The following TDRD12 variants were observed in gnomAD, a reference collection of about 807,000 sequenced individuals.
The protein encoded by TDRD12 is tudor domain containing 12.
In TDRD12, 158 loss-of-function variants were observed where a neutral mutation model predicts 133.5. The observed-to-expected ratio is 1.18, with a 90% CI of 1.04 to 1.35. The LOEUF (loss-of-function observed/expected upper bound fraction) is 1.35. TDRD12 is among the 40% of genes most tolerant of loss of function. TDRD12 has a pLI of 0.00. For missense variants in TDRD12, 1,443 were observed against 1,321.3 expected (o/e 1.09, Z -1.43); for synonymous variants, 460 against 477.9 (o/e 0.96, Z 0.49).
intron 2 of TDRD12, 47 bp downstream of exon 2, chr19:32,731,930 C>T: frequency 6.9e-7 from 1 of 1,459,174 alleles, no homozygotes; most frequent in Admixed American, 2.7e-5. Context: ...AAACACCACT[C>T]AAAATATAAA....
intron 11 of TDRD12, among the ~76,000 whole-genome samples, chr19:32,777,844 TATATATATATATA>T (rs1296912325): frequency 6.9e-4 from 11 of 15,880 alleles, no homozygotes; most frequent in South Asian, 7.5e-3. Flanking sequence ...TATATATATA[TATATATATATATA>T]TTTTTTTTTT....
chr19:32,777,006 G>C, intron 10 of TDRD12, 143 bp from the exon 11 acceptor site: 1 of 565,442 alleles, frequency 1.8e-6, no homozygotes, highest in Admixed American at 3.5e-5. Flanking sequence ...CTCCCACCTT[G>C]GCCTCCCGAG....
downstream of TDRD12, among the ~76,000 whole-genome samples, chr19:32,823,510 G>A (rs1395026558): frequency 6.6e-6 from 1 of 152,166 alleles, no homozygotes; most frequent in African/African-American, 2.4e-5. Context: ...GCTCTTGCTG[G>A]CCGTGACTGT....
intron 18 of TDRD12, 91 bp from the exon 19 acceptor site, chr19:32,801,665 A>G: frequency 2.4e-6 from 1 of 421,486 alleles, no homozygotes; most frequent in East Asian, 3.5e-5. Context: ...CAGATAAATT[A>G]AAGTGCTTTA....
At chr19:32,824,054 C>T (rs1967500588), downstream of TDRD12, 1 of 152,494 alleles carries the variant, frequency 6.6e-6, no homozygotes, top group Non-Finnish European at 1.5e-5. Flanking sequence ...ACTTGGCCAC[C>T]TTCCTGGAAG....
At chr19:32,760,637 C>G (rs1417741202) in intron 8 of TDRD12, among the ~76,000 whole-genome samples, 1 of 152,146 alleles carries the variant, frequency 6.6e-6, no homozygotes, top group African/African-American at 2.4e-5. Flanking sequence ...GTATATTTTA[C>G]TATTACTAGG....
At chr19:32,742,706 A>C (rs1351846016) in intron 3 of TDRD12, 75 bp from the exon 4 acceptor site, 3 of 1,395,116 alleles carry the variant, frequency 2.2e-6, no homozygotes, top group Non-Finnish European at 2.9e-6. Context: ...TGTATTAATA[A>C]AATAGGTATA....
chr19:32,807,267 TAA>T (rs59421213), intron 21 of TDRD12, among the ~76,000 whole-genome samples: 7 of 47,206 alleles, frequency 1.5e-4, no homozygotes, highest in South Asian at 1.2e-3. Context: ...ACCAAACTCT[TAA>T]AAAAAAAAAA....
downstream of TDRD12, chr19:32,826,019 A>G: frequency 9.3e-7 from 1 of 1,072,348 alleles, no homozygotes; most frequent in Admixed American, 2.3e-5. Context: ...AAGGTACAAA[A>G]AAGTATATAT....
At chr19:32,818,008 G>A in intron 26 of TDRD12, 81 bp from the exon 27 acceptor site, 2 of 698,480 alleles carry the variant, frequency 2.9e-6, no homozygotes, top group Non-Finnish European at 5.2e-6. Context: ...TGCACTCCAA[G>A]CTCTGTCCTC....
Position 32,798,091 on chromosome 19 carries a change from C to T in TDRD12, c.1630+200C>T, listed in dbSNP as rs569168493. ...AAGGCTTGATCTTGACTTACGTCTG[C>T]TTCACTGAGAAAACTATGTCACTTC... On this transcript the variant is annotated intron_variant, in intron 15 of 27. Transcript: ENST00000444215. Among the ~76,000 whole-genome samples, 3 of 152,330 alleles carry T rather than the reference C, an allele frequency of 2.0e-5. No individual in the cohort carries two copies. In the East Asian group the frequency reaches 5.8e-4, roughly 29 times the overall value.
intron 8 of TDRD12, among the ~76,000 whole-genome samples, chr19:32,769,089 A>G (rs768411618): frequency 6.6e-6 from 1 of 151,954 alleles, no homozygotes; most frequent in Non-Finnish European, 1.5e-5. Context: ...TTATAGATAG[A>G]TTTCCTTCTA....
chr19:32,815,766 T>C (rs1318936955), intron 26 of TDRD12, 146 bp downstream of exon 26: 8 of 736,316 alleles, frequency 1.1e-5, no homozygotes, highest in Middle Eastern at 2.7e-4. Flanking sequence ...GAGGCCAAGG[T>C]GGGCGGCTCA....
chr19:32,757,780 C>G (rs74336512), intron 8 of TDRD12, among the ~76,000 whole-genome samples: 177 of 152,278 alleles, frequency 1.2e-3, no homozygotes, highest in East Asian at 8.9e-3. Flanking sequence ...CTGTGGTTTC[C>G]AAGAACCTAC....
chr19:32,745,071 G>GC (rs944441111), intron 4 of TDRD12, among the ~76,000 whole-genome samples: 215 of 152,010 alleles, frequency 1.4e-3, no homozygotes, highest in African/African-American at 4.4e-3. Flanking sequence ...CCTCCAGCCA[G>GC]CCCCCCCCAC....
chr19:32,723,530 T>G (rs1968758791), intron 1 of TDRD12, among the ~76,000 whole-genome samples: 1 of 152,138 alleles, frequency 6.6e-6, no homozygotes, highest in African/African-American at 2.4e-5. Context: ...ATTACAAGCA[T>G]GAGCCACCGT....
intron 6 of TDRD12, among the ~76,000 whole-genome samples, chr19:32,751,485 G>A (rs1969825891): frequency 6.6e-6 from 1 of 152,072 alleles, no homozygotes; most frequent in Admixed American, 6.6e-5. Flanking sequence ...ATTCTTGGCT[G>A]TGAAAGATAT....
At chr19:32,789,019 C>G (rs528377648) in intron 11 of TDRD12, among the ~76,000 whole-genome samples, 7 of 152,296 alleles carry the variant, frequency 4.6e-5, no homozygotes, top group African/African-American at 1.7e-4. Flanking sequence ...CCTGAGAGTT[C>G]TGCTTTATCC....
exon 9 of TDRD12, chr19:32,826,591 G>A: frequency 8.1e-7 from 1 of 1,238,008 alleles, no homozygotes; most frequent in Non-Finnish European, 1.0e-6. Flanking sequence ...CACCTACTCA[G>A]ACAGAGGGTG....
Sources: gnomAD v4.1 joint callset for allele counts (sites outside exome capture counted in the v4.1 genomes callset) on GRCh38, gnomAD v4.1.1 for gene constraint, MANE v1.5 for transcripts, NCBI Gene and HGNC (gene_info 2026-07-23, HGNC 2026-07-21) for gene names.